The following SUMF1 variants were observed in gnomAD, a reference collection of about 807,000 sequenced individuals.
SUMF1 encodes the protein sulfatase modifying factor 1.
In SUMF1, 48 loss-of-function variants were observed where a neutral mutation model predicts 47.6. That is an observed-to-expected ratio of 1.01 (90% CI 0.80 to 1.28). The LOEUF (loss-of-function observed/expected upper bound fraction) is 1.28, where lower values mean the gene tolerates loss of function less well. Among genes scored for constraint, SUMF1 ranks in the 50% most tolerant of loss-of-function variants. SUMF1 has a pLI of 0.00. For synonymous variants in SUMF1, 230 were observed against 192.1 expected, an observed-to-expected ratio of 1.20 and a Z score of -1.63; for missense variants, 571 against 485.4, an observed-to-expected ratio of 1.18 and a Z score of -1.66.
intron 8 of SUMF1, chr3:4,316,578 G>C: frequency 6.4e-7 from 1 of 1,552,118 alleles, no homozygotes; most frequent in Non-Finnish European, 8.7e-7. Flanking sequence ...GGTGCCTCAT[G>C]AGCTGACTGA....
chr3:4,352,488 A>G (rs985379411), intron 8 of SUMF1, among the ~76,000 whole-genome samples: 1 of 152,110 alleles, frequency 6.6e-6, no homozygotes, highest in African/African-American at 2.4e-5. Context: ...CACCTTCCTC[A>G]ATGGCTTTAT....
intron 3 of SUMF1, among the ~76,000 whole-genome samples, chr3:4,439,352 C>T (rs1052665331): frequency 6.6e-6 from 1 of 151,606 alleles, no homozygotes; most frequent in Non-Finnish European, 1.5e-5. Flanking sequence ...AGCAAAACTC[C>T]ATCTCTACAA....
At chr3:4,383,723 C>A (rs1027404009) in intron 7 of SUMF1, among the ~76,000 whole-genome samples, 7 of 152,172 alleles carry the variant, frequency 4.6e-5, no homozygotes, top group Admixed American at 6.5e-5. Flanking sequence ...CCTACTGTGT[C>A]ATCCTTATGG....
In SUMF1 at chr3:4,400,216, G is replaced by A. The variant is rs184823238; in HGVS notation, c.954+10649C>T. On this transcript the variant is annotated intron_variant, in intron 7 of 8. Coordinates refer to ENST00000272902, the MANE Select transcript of SUMF1 (RefSeq NM_182760.4). ...CTGCCAGCTGTGGATGCAACTAAGG[G>A]AGCCAAGAAAGACAGGCTTTCAAGC... Among the ~76,000 whole-genome samples, 17 of 152,310 alleles carry A rather than the reference G, an allele frequency of 1.1e-4. No homozygotes were observed. The East Asian group carries it at 2.1e-3, about 19-fold the overall frequency.
chr3:4,410,327 TAA>T (rs1298525163), intron 7 of SUMF1, among the ~76,000 whole-genome samples: 1 of 152,202 alleles, frequency 6.6e-6, no homozygotes, highest in African/African-American at 2.4e-5. Flanking sequence ...CTTCTGTTCC[TAA>T]GTTATAAGGT....
At chr3:4,150,223 AGCTGG>A (rs1430450908) in intron 8 of SUMF1, among the ~76,000 whole-genome samples, 1 of 151,414 alleles carries the variant, frequency 6.6e-6, no homozygotes, top group Non-Finnish European at 1.5e-5. Flanking sequence ...CCTCCCAAGT[AGCTGG>A]GACTGCAGGG....
chr3:4,114,387 T>G (rs1693376767), intron 8 of SUMF1, among the ~76,000 whole-genome samples: 1 of 152,060 alleles, frequency 6.6e-6, no homozygotes, highest in African/African-American at 2.4e-5. Flanking sequence ...ACCTCTAAAT[T>G]CTAGTGTAAT....
intron 8 of SUMF1, among the ~76,000 whole-genome samples, chr3:4,273,762 GGGA>G: frequency 3.2e-5 from 2 of 62,970 alleles, no homozygotes; most frequent in African/African-American, 7.8e-5. Context: ...GATACGGGAG[GGGA>G]GGATACGGGA....
intron 1 of SUMF1, among the ~76,000 whole-genome samples, chr3:4,461,852 A>T (rs1373004793): frequency 6.6e-6 from 1 of 152,236 alleles, no homozygotes; most frequent in African/African-American, 2.4e-5. Context: ...CCAAAGCCAC[A>T]TAAAAAGGAC....
intron 8 of SUMF1, among the ~76,000 whole-genome samples, chr3:4,218,306 T>C (rs1240091321): frequency 1.3e-5 from 2 of 151,926 alleles, no homozygotes; most frequent in African/African-American, 4.8e-5. Flanking sequence ...TAATATGTAA[T>C]AAAAAAATGA....
intron 8 of SUMF1, among the ~76,000 whole-genome samples, chr3:4,299,670 T>C (rs977621441): frequency 3.3e-5 from 5 of 151,976 alleles, no homozygotes; most frequent in Admixed American, 2.6e-4. Context: ...AGTAGCTGGG[T>C]GTGGTGGCAC....
chr3:4,057,046 G>A (rs1406619388), intron 9 of SUMF1, among the ~76,000 whole-genome samples: 2 of 152,074 alleles, frequency 1.3e-5, no homozygotes, highest in South Asian at 2.1e-4. Context: ...GCGCCCGGCC[G>A]TGATCCATAA....
chr3:4,303,841 C>T lies in SUMF1; in HGVS notation c.1014+72489G>A, dbSNP rs145364454. 3 of 1,338,628 alleles carry T rather than the reference C, an allele frequency of 2.2e-6. No individual in the cohort carries two copies. In the East Asian group the frequency reaches 1.5e-4, roughly 65 times the overall value. The allele number at this position is 1,338,628 out of a possible 1,614,324, so 82.9% of individuals were successfully genotyped here. On this transcript the variant is annotated intron_variant and NMD_transcript_variant, in intron 8 of 12. Transcript: ENST00000448413. ...GAGGCATCACGGGGGGAGTCATTTA[C>T]CTCCCTGGTCTCAGGTGTCTCTCAC...
At chr3:4,211,159 CATATAT>C (rs1346149307) in intron 8 of SUMF1, among the ~76,000 whole-genome samples, 7 of 103,462 alleles carry the variant, frequency 6.8e-5, no homozygotes, top group Admixed American at 2.1e-4. Flanking sequence ...CATATATATA[CATATAT>C]ATACACACAT....
At chr3:4,240,953 T>A (rs1696523960) in intron 8 of SUMF1, among the ~76,000 whole-genome samples, 1 of 152,036 alleles carries the variant, frequency 6.6e-6, no homozygotes, top group Non-Finnish European at 1.5e-5. Context: ...TTCAGGACAC[T>A]AGGCCAAACC....
intron 9 of SUMF1, among the ~76,000 whole-genome samples, chr3:4,062,048 T>TAC (rs1355385042): frequency 2.0e-5 from 3 of 152,042 alleles, no homozygotes; most frequent in Non-Finnish European, 2.9e-5. Context: ...CTCTCTCTCC[T>TAC]ACACCTCAGC....
chr3:4,298,503 T>TA (rs1697903840), intron 8 of SUMF1, among the ~76,000 whole-genome samples: 1 of 152,092 alleles, frequency 6.6e-6, no homozygotes, highest in Non-Finnish European at 1.5e-5. Flanking sequence ...AAAAATAAAA[T>TA]AAAGTGGATC....
chr3:4,363,643 T>C (rs62257881), intron 8 of SUMF1, among the ~76,000 whole-genome samples: 86,593 of 149,170 alleles, frequency 0.58, 25,620 homozygotes, highest in East Asian at 0.76. Context: ...TGGGGTTTTC[T>C]AGATATACAA....
chr3:4,128,770 G>C (rs1350493458), intron 8 of SUMF1, among the ~76,000 whole-genome samples: 9 of 152,142 alleles, frequency 5.9e-5, no homozygotes, highest in Admixed American at 5.9e-4. Context: ...GCATGGGAAT[G>C]GATAGTAAGG....
Sources: allele counts gnomAD v4.1 joint callset (sites outside exome capture counted in the v4.1 genomes callset), GRCh38; gene constraint gnomAD v4.1.1; transcripts MANE v1.5; gene names NCBI Gene and HGNC (gene_info 2026-07-23, HGNC 2026-07-21).